NELL1: variants seen among roughly 807,000 people sequenced by gnomAD.
The protein encoded by NELL1 is protein kinase C-binding protein NELL1.
Under a neutral mutation model 107.4 loss-of-function variants are expected in NELL1, and 76 were observed. That is an observed-to-expected ratio of 0.71 (90% CI 0.59 to 0.86). The LOEUF (loss-of-function observed/expected upper bound fraction) is 0.86, where lower values mean the gene tolerates loss of function less well. Ranked by LOEUF, NELL1 falls within the 40% of genes least tolerant of loss-of-function variation. NELL1 has a pLI of 0.00. For missense variants in NELL1, 1,024 were observed against 1,005.5 expected (o/e 1.02, Z -0.25); for synonymous variants, 353 against 341.2 (o/e 1.03, Z -0.38).
intron 14 of NELL1, among the ~76,000 whole-genome samples, chr11:21,316,084 C>T (rs1047221224): frequency 6.6e-6 from 1 of 152,076 alleles, no homozygotes; most frequent in South Asian, 2.1e-4. Flanking sequence ...ATCAATTTGT[C>T]AAAAATATGT....
intron 13 of NELL1, among the ~76,000 whole-genome samples, chr11:21,189,610 C>T (rs1857006944): frequency 6.6e-6 from 1 of 150,446 alleles, no homozygotes; most frequent in Non-Finnish European, 1.5e-5. Context: ...GAGTAATTTA[C>T]TTGTATCACC....
At chr11:20,874,256 C>T (rs753710941) in intron 4 of NELL1, among the ~76,000 whole-genome samples, 14 of 152,118 alleles carry the variant, frequency 9.2e-5, no homozygotes, top group Non-Finnish European at 1.5e-4. Context: ...TTAGTAGAGT[C>T]GAGGTTTCAT....
chr11:20,968,272 A>C (rs751033942), intron 12 of NELL1, among the ~76,000 whole-genome samples: 4 of 152,202 alleles, frequency 2.6e-5, no homozygotes, highest in Non-Finnish European at 4.4e-5. Context: ...GCATGAGGGC[A>C]GCAATTTTAT....
At chr11:20,802,525 G>C (rs1857300899) in intron 3 of NELL1, among the ~76,000 whole-genome samples, 1 of 150,996 alleles carries the variant, frequency 6.6e-6, no homozygotes, top group African/African-American at 2.4e-5. Context: ...AGGATAATTT[G>C]ACTTAATCCT....
At chr11:20,693,207 T>C (rs1395230022) in intron 2 of NELL1, among the ~76,000 whole-genome samples, 3 of 152,080 alleles carry the variant, frequency 2.0e-5, no homozygotes, top group Non-Finnish European at 4.4e-5. Context: ...GTTTCCTGAA[T>C]ACAGCACACT....
intron 12 of NELL1, among the ~76,000 whole-genome samples, chr11:21,069,600 T>C (rs1289109379): frequency 6.6e-6 from 1 of 152,242 alleles, no homozygotes; most frequent in Non-Finnish European, 1.5e-5. Flanking sequence ...TGATGTCATC[T>C]AATTAAAGCT....
intron 16 of NELL1, among the ~76,000 whole-genome samples, chr11:21,556,657 G>A (rs2133996676): frequency 6.6e-6 from 1 of 152,000 alleles, no homozygotes; most frequent in East Asian, 2.0e-4. Context: ...TTGTTTTAAA[G>A]AGCAAAACTG....
intron 2 of NELL1, among the ~76,000 whole-genome samples, chr11:20,683,768 T>A (rs1001304554): frequency 6.6e-6 from 1 of 152,120 alleles, no homozygotes; most frequent in Non-Finnish European, 1.5e-5. Flanking sequence ...GCCGACAGGT[T>A]TTTGTCCCCA....
intron 2 of NELL1, among the ~76,000 whole-genome samples, chr11:20,735,393 A>T (rs1158944537): frequency 6.6e-6 from 1 of 152,190 alleles, no homozygotes; most frequent in African/African-American, 2.4e-5. Context: ...AGAAGCAAAC[A>T]TGTTCTTCTT....
intron 13 of NELL1, among the ~76,000 whole-genome samples, chr11:21,177,265 C>T (rs951167214): frequency 6.6e-6 from 1 of 151,660 alleles, no homozygotes; most frequent in African/African-American, 2.4e-5. Flanking sequence ...TCTATCTACC[C>T]CCTGCCATCT....
chr11:21,516,195 A>T (rs1334653764), intron 15 of NELL1, among the ~76,000 whole-genome samples: 15 of 152,162 alleles, frequency 9.9e-5, no homozygotes. Context: ...ATATACTCCT[A>T]GTGTTCTAAT....
chr11:20,969,176 C>G (rs1034122822), intron 12 of NELL1, among the ~76,000 whole-genome samples: 4 of 152,118 alleles, frequency 2.6e-5, no homozygotes, highest in Admixed American at 6.6e-5. Context: ...TTTCACTTTC[C>G]TGTTGTATCA....
At chr11:20,856,884 G>T (rs2134068630) in intron 4 of NELL1, among the ~76,000 whole-genome samples, 1 of 152,340 alleles carries the variant, frequency 6.6e-6, no homozygotes, top group East Asian at 1.9e-4. Context: ...AGATGGATGT[G>T]ATTGCATCTT....
At chr11:20,986,670 G>A (rs1320159789) in intron 12 of NELL1, among the ~76,000 whole-genome samples, 1 of 152,048 alleles carries the variant, frequency 6.6e-6, no homozygotes, top group Non-Finnish European at 1.5e-5. Context: ...CCGTATTTCT[G>A]AGGTCAGGAA....
intron 12 of NELL1, among the ~76,000 whole-genome samples, chr11:20,975,521 A>G (rs1851587307): frequency 6.9e-6 from 1 of 144,510 alleles, no homozygotes; most frequent in Admixed American, 7.0e-5. Context: ...ATTATTTAAT[A>G]TATATTCAAT....
At chr11:20,944,471 C>T (rs1850922823) in intron 10 of NELL1, among the ~76,000 whole-genome samples, 1 of 152,094 alleles carries the variant, frequency 6.6e-6, no homozygotes, top group African/African-American at 2.4e-5. Flanking sequence ...GTTAGAAATT[C>T]AGGTTAGTGC....
intron 2 of NELL1, among the ~76,000 whole-genome samples, chr11:20,703,749 A>G (rs1854861949): frequency 6.6e-6 from 1 of 152,128 alleles, no homozygotes; most frequent in Non-Finnish European, 1.5e-5. Flanking sequence ...TTCTGCCTTC[A>G]TTTCCTTATG....
chr11:21,298,480 C>T (rs1028673626), intron 14 of NELL1, among the ~76,000 whole-genome samples: 5 of 151,988 alleles, frequency 3.3e-5, no homozygotes, highest in African/African-American at 1.2e-4. Flanking sequence ...CCGTTTTGAT[C>T]TCTTACTCTT....
At chr11:21,377,699 T>C (rs570510353) in intron 15 of NELL1, among the ~76,000 whole-genome samples, 2 of 152,230 alleles carry the variant, frequency 1.3e-5, no homozygotes, top group South Asian at 4.1e-4. Flanking sequence ...AATTTTATTA[T>C]AAATTCAGTT....
Sources: gnomAD v4.1 joint callset for allele counts (sites outside exome capture counted in the v4.1 genomes callset) on GRCh38, gnomAD v4.1.1 for gene constraint, MANE v1.5 for transcripts, NCBI Gene and HGNC (gene_info 2026-07-23, HGNC 2026-07-21) for gene names.